Variants in SYNJ2BP observed in about 807,000 individuals in gnomAD.
SYNJ2BP encodes synaptojanin-2-binding protein.
In SYNJ2BP, 10 loss-of-function variants were observed where a neutral mutation model predicts 16.9. That is an observed-to-expected ratio of 0.59 (90% CI 0.36 to 1.00). The LOEUF is 1.00. SYNJ2BP is among the 50% of genes least tolerant of loss of function. SYNJ2BP has a pLI of 0.01. For synonymous variants in SYNJ2BP, 54 were observed against 68.4 expected (o/e 0.79, Z 1.04); for missense variants, 162 against 186.7 (o/e 0.87, Z 0.77).
At chr14:70,410,006 T>C (rs1594962366) in intron 1 of SYNJ2BP, among the ~76,000 whole-genome samples, 1 of 150,196 alleles carries the variant, frequency 6.7e-6, no homozygotes, top group African/African-American at 2.4e-5. Flanking sequence ...TAGTCCCAGC[T>C]ACTCAGGAAG....
At chr14:70,407,242 C>G (rs1281036964) in intron 1 of SYNJ2BP, among the ~76,000 whole-genome samples, 4 of 152,062 alleles carry the variant, frequency 2.6e-5, no homozygotes, top group Non-Finnish European at 5.9e-5. Context: ...TCCTGACTAA[C>G]ATGGTGAAAC....
Position 70,388,556 on chromosome 14 carries a change from C to A in SYNJ2BP, c.115G>T (p.Asp39Tyr). The A allele has an allele frequency of 1.9e-6, 3 of 1,599,180 alleles. No individual in the cohort carries two copies. The highest frequency in any genetic ancestry group is 2.3e-5 in the South Asian group (2 of 88,294). ...ATGCGGCTGACGTAGATGCCACTGTCGTTGGAGACATACTGCTGATCTGTC... is the reference window on the plus strand; with the variant it reads ...ATGCGGCTGACGTAGATGCCACTGTAGTTGGAGACATACTGCTGATCTGTC... Reference protein sequence around the residue: ...GGTDQQYVSNDSGIYVSRIKE... With the variant: ...GGTDQQYVSNYSGIYVSRIKE... Residue 39 changes from aspartate (D) to tyrosine (Y), a missense_variant, in exon 2 of 4, where the codon GAC becomes TAC. Asp to Tyr is a radical substitution (Grantham distance 160). Coordinates refer to ENST00000256366, the MANE Select transcript of SYNJ2BP (RefSeq NM_018373.3).
At chr14:70,382,231 G>C (rs1291129104) in intron 2 of SYNJ2BP, among the ~76,000 whole-genome samples, 1 of 152,116 alleles carries the variant, frequency 6.6e-6, no homozygotes, top group Non-Finnish European at 1.5e-5. Flanking sequence ...GGGAGACTCT[G>C]TCTCGAACAA....
At position 70,416,947 on chromosome 14, in the gene SYNJ2BP, T is replaced by C. The variant is rs779827803; in HGVS notation, c.17A>G (p.Asp6Gly). 1.9e-6 allele frequency: 3 copies of C among 1,614,136 alleles called. No homozygotes were observed. In the East Asian group the frequency reaches 6.7e-5, roughly 36 times the overall value. Residue 6 changes from aspartate (D) to glycine (G), a missense_variant, in exon 1 of 4, where the codon GAT becomes GGT. Physicochemically the swap from Asp to Gly is moderately conservative, Grantham distance 94 (BLOSUM62 -1). Transcript: ENST00000256366. Reference protein sequence around the residue: MNGRVDYLVTEEEINL... With the variant: MNGRVGYLVTEEEINL... ...GATCTCTTCCTCAGTGACCAAATAA[T>C]CCACTCTTCCGTTCATGTTTTACAG...
At chr14:70,416,789 A>G (rs1452540696) in intron 1 of SYNJ2BP, 111 bp downstream of exon 1, 3 of 1,531,020 alleles carry the variant, frequency 2.0e-6, no homozygotes, top group African/African-American at 2.7e-5. Flanking sequence ...CGAAACCTCT[A>G]GGTTGTGGCC....
Position 70,393,313 on chromosome 14 carries a change from C to T in SYNJ2BP, c.65-4707G>A, listed in dbSNP as rs182685161. ...AAAGTCTGGAAACAACAGATGCTGG[C>T]GAGGATGTGGAGAAATGGGGATGCT... is the stretch of plus-strand genomic sequence containing the variant. On this transcript the variant is annotated intron_variant, in intron 1 of 3. Coordinates refer to ENST00000256366, the MANE Select transcript of SYNJ2BP (RefSeq NM_018373.3). Among the ~76,000 whole-genome samples the T allele has an allele frequency of 1.2e-4, 19 of 152,218 alleles. No homozygotes were observed. In the East Asian group the frequency reaches 2.7e-3, roughly 22 times the overall value.
rs1054476611 is a variant in SYNJ2BP, at chr14:70,370,504, T to C, written c.*2487A>G. On this transcript the variant is annotated 3_prime_UTR_variant, in exon 4 of 4. Coordinates refer to ENST00000256366, the MANE Select transcript of SYNJ2BP (RefSeq NM_018373.3). ...CAAAAGGCACTTTATGTCAGGACTG[T>C]TTAAAGCAAGTTTCTCCCTATACCA... is the stretch of plus-strand genomic sequence containing the variant. 3.9e-5 allele frequency: 6 copies of C among 152,216 alleles called. No homozygotes were observed. Among genetic ancestry groups the C allele is most frequent in the African/African-American group, 1.4e-4 (6 of 41,462 alleles). The allele number at this position is 152,216 out of a possible 1,614,324, so 9.4% of individuals were successfully genotyped here.
At chr14:70,378,579 A>G (rs899882181) in intron 2 of SYNJ2BP, among the ~76,000 whole-genome samples, 1 of 152,074 alleles carries the variant, frequency 6.6e-6, no homozygotes, top group Non-Finnish European at 1.5e-5. Flanking sequence ...GGTGTGAGAC[A>G]TTGTGCCCCA....
At chr14:70,410,740 T>C (rs1005344800) in intron 1 of SYNJ2BP, among the ~76,000 whole-genome samples, 53 of 152,304 alleles carry the variant, frequency 3.5e-4, no homozygotes, top group African/African-American at 1.1e-3. Context: ...TGGAGGCCAT[T>C]ATCCTTAGCA....
At chr14:70,410,970 A>G (rs1391825892) in intron 1 of SYNJ2BP, among the ~76,000 whole-genome samples, 4 of 152,196 alleles carry the variant, frequency 2.6e-5, no homozygotes, top group African/African-American at 4.8e-5. Context: ...GTTTACCTAT[A>G]TAACAAACCT....
At chr14:70,377,701 ACTT>A (rs59049134) in intron 2 of SYNJ2BP, among the ~76,000 whole-genome samples, 203 of 133,138 alleles carry the variant, frequency 1.5e-3, no homozygotes, top group African/African-American at 5.8e-3. Flanking sequence ...TCTTGATCAT[ACTT>A]CTTCTAACCT....
intron 1 of SYNJ2BP, among the ~76,000 whole-genome samples, chr14:70,403,779 C>A (rs376400208): frequency 1.3e-5 from 2 of 152,316 alleles, no homozygotes; most frequent in South Asian, 2.1e-4. Context: ...TCTTAATAAA[C>A]TTGTTTTCAC....
At chr14:70,378,446 T>TTTTA (rs1887679937) in intron 2 of SYNJ2BP, among the ~76,000 whole-genome samples, 1 of 133,378 alleles carries the variant, frequency 7.5e-6, no homozygotes, top group African/African-American at 3.0e-5. Flanking sequence ...TTTTTTTTTT[T>TTTTA]GAGACAGAGT....
At chr14:70,386,024 G>C (rs562917653) in intron 2 of SYNJ2BP, among the ~76,000 whole-genome samples, 36 of 152,256 alleles carry the variant, frequency 2.4e-4, no homozygotes, top group African/African-American at 8.2e-4. Context: ...AATAATCTAC[G>C]TTTAACCAAA....
At chr14:70,399,036 C>T (rs953681085) in intron 1 of SYNJ2BP, among the ~76,000 whole-genome samples, 11 of 151,944 alleles carry the variant, frequency 7.2e-5, no homozygotes, top group South Asian at 2.1e-4. Context: ...CCCGGGGATG[C>T]GGCCCCGCGG....
rs753986708 is a variant in SYNJ2BP at position 70,375,671 on chromosome 14, C to A, written c.297+5G>T. On this transcript the variant is annotated splice_donor_5th_base_variant and intron_variant, in intron 3 of 3. Coordinates refer to ENST00000256366, the MANE Select transcript of SYNJ2BP (RefSeq NM_018373.3). ...GCCAGGTTTCTGGCTCAAAGTGATA[C>A]CTACCCTGTGCTGCACTCTCAGAGA... The A allele has an allele frequency of 1.2e-6, 2 of 1,612,102 alleles. No homozygotes were observed. Among genetic ancestry groups the A allele is most frequent in the Non-Finnish European group, 1.7e-6 (2 of 1,179,318 alleles).
intron 1 of SYNJ2BP, among the ~76,000 whole-genome samples, chr14:70,407,290 T>C (rs977040703): frequency 5.3e-5 from 8 of 152,040 alleles, no homozygotes; most frequent in African/African-American, 1.7e-4. Flanking sequence ...TAGCCAGGCA[T>C]AGTGGCAGGC....
intron 2 of SYNJ2BP, among the ~76,000 whole-genome samples, chr14:70,377,033 C>T (rs557279086): frequency 7.2e-5 from 11 of 152,314 alleles, no homozygotes; most frequent in Non-Finnish European, 1.3e-4. Flanking sequence ...CCAATAGTTT[C>T]CAACTCCATT....
At chr14:70,376,311 T>C (rs1044501825) in intron 2 of SYNJ2BP, among the ~76,000 whole-genome samples, 1 of 152,272 alleles carries the variant, frequency 6.6e-6, no homozygotes, top group African/African-American at 2.4e-5. Context: ...CTATCCATTA[T>C]ATCCAAATTA....
Sources: allele counts gnomAD v4.1 joint callset (sites outside exome capture counted in the v4.1 genomes callset), GRCh38; gene constraint gnomAD v4.1.1; transcripts MANE v1.5; gene names NCBI Gene and HGNC (gene_info 2026-07-23, HGNC 2026-07-21).